Variants in CAB39L observed in about 807,000 individuals in gnomAD.
CAB39L encodes calcium binding protein 39 like.
A neutral mutation model predicts 39.1 loss-of-function variants in CAB39L; 23 were observed. The ratio of observed to expected loss-of-function variants is 0.59; its 90% CI spans 0.42 to 0.83. The LOEUF (loss-of-function observed/expected upper bound fraction) is 0.83, where lower values mean the gene tolerates loss of function less well. Among genes scored for constraint, CAB39L ranks in the 40% least tolerant of loss-of-function variants. CAB39L has a pLI of 0.00. For synonymous variants in CAB39L, 126 were observed against 137.2 expected, an observed-to-expected ratio of 0.92 and a Z score of 0.57; for missense variants, 366 against 391.9, an observed-to-expected ratio of 0.93 and a Z score of 0.56.
At chr13:49,351,540 G>A (rs902311883) in intron 6 of CAB39L, among the ~76,000 whole-genome samples, 1 of 152,180 alleles carries the variant, frequency 6.6e-6, no homozygotes, top group African/African-American at 2.4e-5. Context: ...GCCAAGGTAA[G>A]CAGTTGGTTT....
chr13:49,393,804 T>C (rs1437565469), intron 3 of CAB39L, among the ~76,000 whole-genome samples: 1 of 151,948 alleles, frequency 6.6e-6, no homozygotes, highest in African/African-American at 2.4e-5. Context: ...AAAATTTTTT[T>C]GGTATCTAAA....
At chr13:49,419,858 A>G (rs1422968132) in intron 3 of CAB39L, among the ~76,000 whole-genome samples, 2 of 152,196 alleles carry the variant, frequency 1.3e-5, no homozygotes, top group Non-Finnish European at 2.9e-5. Flanking sequence ...CATATCATAT[A>G]GAAGAATGCC....
At chr13:49,393,155 A>G (rs1430958338) in intron 3 of CAB39L, 1 of 152,174 alleles carries the variant, frequency 6.6e-6, no homozygotes, top group African/African-American at 2.4e-5. Flanking sequence ...AGACAATATG[A>G]TTATATACCT....
rs1953967257 is a variant in CAB39L at position 49,310,943 on chromosome 13, T to C, written c.885A>G (p.Leu295=). 1.2e-6 allele frequency: 2 copies of C among 1,614,032 alleles called. No individual in the cohort carries two copies. The highest frequency in any genetic ancestry group is 1.3e-5 in the African/African-American group (1 of 74,898). The change falls in exon 11 of 11, where the codon TTA becomes TTG. Residue 295 remains leucine, a synonymous_variant. Transcript: ENST00000409308. ...ACTCAATGAGTTTGGGCTGATTTTT[T>C]AACAGGATCTCCACAATAGGCTGTG... is the stretch of plus-strand genomic sequence containing the variant. The part of the protein sequence containing the change: ...HKTQPIVEIL[L]KNQPKLIEFL...
intron 6 of CAB39L, among the ~76,000 whole-genome samples, chr13:49,351,861 T>C (rs936424203): frequency 1.3e-5 from 2 of 152,216 alleles, no homozygotes; most frequent in African/African-American, 2.4e-5. Context: ...ATGATTCCTA[T>C]GTTTTTGGCT....
intron 9 of CAB39L, among the ~76,000 whole-genome samples, chr13:49,335,085 C>G (rs1566070647): frequency 6.6e-6 from 1 of 152,048 alleles, no homozygotes; most frequent in Non-Finnish European, 1.5e-5. Flanking sequence ...CTTCCAGACC[C>G]TCCAAAAAGA....
chr13:49,342,432 T>C (rs1022649728), intron 8 of CAB39L, among the ~76,000 whole-genome samples: 1 of 152,180 alleles, frequency 6.6e-6, no homozygotes, highest in Non-Finnish European at 1.5e-5. Context: ...TTGCTTTTAA[T>C]AGATGAAGAC....
At chr13:49,404,885 T>A (rs2138666267) in intron 3 of CAB39L, among the ~76,000 whole-genome samples, 1 of 151,816 alleles carries the variant, frequency 6.6e-6, no homozygotes, top group South Asian at 2.1e-4. Flanking sequence ...CACAGAGCAG[T>A]CAAAAGAAAA....
chr13:49,381,030 C>T (rs1244379283), intron 4 of CAB39L, among the ~76,000 whole-genome samples: 22 of 152,292 alleles, frequency 1.4e-4, no homozygotes, highest in Non-Finnish European at 5.9e-5. Context: ...TGCGTTCAAG[C>T]GATTCTCCGG....
Position 49,377,111 on chromosome 13 carries a change from T to A in CAB39L, c.132A>T (p.Lys44Asn), listed in dbSNP as rs1956090712. 6.2e-7 allele frequency: 1 copy of A among 1,613,342 alleles called. No individual in the cohort carries two copies. Among genetic ancestry groups the A allele is most frequent in the African/African-American group, 1.3e-5 (1 of 74,878 alleles). ...KTDKASEEVS[K>N]SLQAMKEILC... ...GAATTTCTTTCATTGCTTGCAGTGA[T>A]TTAGACACTTCTTCTGAAGCCTAGT... is the stretch of plus-strand genomic sequence containing the variant. The change falls in exon 5 of 11, where the codon AAA (lysine) becomes AAT (asparagine). Residue 44 changes from lysine to asparagine, a missense_variant. Lys to Asn is a moderately conservative substitution (Grantham distance 94). Transcript: ENST00000409308.
chr13:49,436,520 C>T (rs1217431169), intron 1 of CAB39L, among the ~76,000 whole-genome samples: 1 of 144,930 alleles, frequency 6.9e-6, no homozygotes, highest in Non-Finnish European at 1.5e-5. Flanking sequence ...TTCTTATGTA[C>T]CTTGGAATTT....
rs1481289081 is a variant in CAB39L at position 49,377,291 on chromosome 13, C to T, written c.112-160G>A. ...AAACAAAAACAGTGAGGGGAATCAC[C>T]ATGTTTGGGTGGACCTAGTTTCTAA... On this transcript the variant is annotated intron_variant, in intron 4 of 10. Transcript: ENST00000409308. Among the ~76,000 whole-genome samples, 2 of 34,254 alleles carry T rather than the reference C, an allele frequency of 5.8e-5. 1 individual carries two copies. Among genetic ancestry groups the T allele is most frequent in the Non-Finnish European group, 1.3e-4 (2 of 15,932 alleles). The allele number at this position is 34,254 out of a possible 152,430, so 22.5% of individuals were successfully genotyped here.
intron 1 of CAB39L, among the ~76,000 whole-genome samples, chr13:49,438,705 A>G (rs1957456419): frequency 6.6e-6 from 1 of 152,222 alleles, no homozygotes; most frequent in South Asian, 2.1e-4. Context: ...CATCAATGCA[A>G]GAAGGGTTTA....
At chr13:49,400,027 G>A (rs755456202) in intron 3 of CAB39L, among the ~76,000 whole-genome samples, 4 of 151,942 alleles carry the variant, frequency 2.6e-5, no homozygotes, top group South Asian at 4.1e-4. Context: ...TTCTGTACAC[G>A]TAGAGGAAAT....
intron 10 of CAB39L, among the ~76,000 whole-genome samples, chr13:49,329,544 A>AAAATATAT (rs1555252274): frequency 3.0e-5 from 1 of 33,836 alleles, no homozygotes; most frequent in Non-Finnish European, 5.0e-5. Flanking sequence ...TAAAAAAAAA[A>AAAATATAT]ATATATATAT....
rs771316208 is a variant in CAB39L at position 49,433,352 on chromosome 13, AACCTTCTTAGCTTTC to A, written c.-81_-67del. The A allele has an allele frequency of 4.4e-6, 2 of 453,478 alleles. No homozygotes were observed. The highest frequency in any genetic ancestry group is 3.2e-5 in the South Asian group (2 of 63,434). The allele number at this position is 453,478 out of a possible 1,614,324, so 28.1% of individuals were successfully genotyped here. ...TGTATATCATTTGCAAATTTGTTTGAACCTTCTTAGCTTTCACCAAAGTCACTGATCACCACAGCT... is the reference window on the plus strand; with the variant it reads ...TGTATATCATTTGCAAATTTGTTTGAACCAAAGTCACTGATCACCACAGCT... On this transcript the variant is annotated 5_prime_UTR_variant, in exon 3 of 11. An upstream open reading frame in the 5' UTR loses its in-frame stop. Transcript: ENST00000409308.
intron 9 of CAB39L, among the ~76,000 whole-genome samples, chr13:49,339,471 A>G (rs1459415448): frequency 3.9e-5 from 6 of 152,162 alleles, no homozygotes; most frequent in Admixed American, 3.9e-4. Flanking sequence ...ATGTACTTAT[A>G]TTGTTACTTC....
chr13:49,389,217 G>A (rs907118785), intron 3 of CAB39L, among the ~76,000 whole-genome samples: 1 of 152,096 alleles, frequency 6.6e-6, no homozygotes, highest in Non-Finnish European at 1.5e-5. Context: ...CCACTTCTGG[G>A]TATATATCCA....
intron 3 of CAB39L, among the ~76,000 whole-genome samples, chr13:49,404,478 G>A (rs368333845): frequency 2.0e-5 from 3 of 150,016 alleles, no homozygotes; most frequent in African/African-American, 2.4e-5. Flanking sequence ...AAATAAGCTC[G>A]GAGTGTGAAG....
Sources: gnomAD v4.1 joint callset for allele counts (sites outside exome capture counted in the v4.1 genomes callset) on GRCh38, gnomAD v4.1.1 for gene constraint, MANE v1.5 for transcripts, NCBI Gene and HGNC (gene_info 2026-07-23, HGNC 2026-07-21) for gene names.